The following C1orf21 variants were observed in gnomAD, a reference collection of about 807,000 sequenced individuals.
The protein encoded by C1orf21 is uncharacterized protein C1orf21.
Under a neutral mutation model 18.7 loss-of-function variants are expected in C1orf21, and 3 were observed. That is an observed-to-expected ratio of 0.16 (90% confidence interval 0.07 to 0.42). C1orf21 has a LOEUF of 0.42. Ranked by LOEUF, C1orf21 falls within the 10% of genes least tolerant of loss-of-function variation. The probability of loss-of-function intolerance (pLI) is 0.99; values close to 1 mark genes in which losing one functional copy is unlikely to be tolerated. For missense variants in C1orf21, 104 were observed against 143.6 expected, an observed-to-expected ratio of 0.72 and a Z score of 1.41; for synonymous variants, 41 against 46.4, an observed-to-expected ratio of 0.88 and a Z score of 0.47.
At chr1:184,394,712 C>T in intron 1 of C1orf21, among the ~76,000 whole-genome samples, 1 of 152,162 alleles carries the variant, frequency 6.6e-6, no homozygotes, top group East Asian at 1.9e-4. Flanking sequence ...GTGGTTCTAT[C>T]TCAAAGTTCT....
At chr1:184,514,229 C>G (rs935799348) in intron 3 of C1orf21, among the ~76,000 whole-genome samples, 1 of 152,144 alleles carries the variant, frequency 6.6e-6, no homozygotes, top group Admixed American at 6.6e-5. Context: ...CGCTTGAGCC[C>G]AGGAATTCAA....
At chr1:184,435,757 A>G (rs1456986778) in intron 1 of C1orf21, among the ~76,000 whole-genome samples, 2 of 152,232 alleles carry the variant, frequency 1.3e-5, no homozygotes, top group Non-Finnish European at 2.9e-5. Flanking sequence ...AGAACAACCA[A>G]CTGAGGCAAA....
intron 5 of C1orf21, among the ~76,000 whole-genome samples, chr1:184,604,279 G>C (rs115791100): frequency 6.6e-6 from 1 of 152,100 alleles, no homozygotes; most frequent in Non-Finnish European, 1.5e-5. Context: ...GGACTGTCAC[G>C]TCAAAACCTA....
chr1:184,471,407 T>C (rs10489725), intron 1 of C1orf21, among the ~76,000 whole-genome samples: 17,274 of 152,202 alleles, frequency 0.11, 1,257 homozygotes, highest in African/African-American at 0.2. Context: ...GAGTTAGTAC[T>C]GAAAACAAAG....
chr1:184,597,689 C>T (rs1346377055), intron 4 of C1orf21, among the ~76,000 whole-genome samples: 4 of 143,362 alleles, frequency 2.8e-5, no homozygotes, highest in Non-Finnish European at 6.0e-5. Flanking sequence ...CTGCCCCATG[C>T]TCTTCCCATA....
chr1:184,442,352 A>T (rs1214266445), intron 1 of C1orf21, among the ~76,000 whole-genome samples: 2 of 152,198 alleles, frequency 1.3e-5, no homozygotes, highest in Non-Finnish European at 2.9e-5. Flanking sequence ...TTGTTAAGTC[A>T]CTTTGCCCCT....
At chr1:184,550,387 C>T (rs1293218845) in intron 3 of C1orf21, among the ~76,000 whole-genome samples, 2 of 152,186 alleles carry the variant, frequency 1.3e-5, no homozygotes, top group Non-Finnish European at 2.9e-5. Context: ...CTATTTAGAA[C>T]ACATTTGCTA....
intron 1 of C1orf21, among the ~76,000 whole-genome samples, chr1:184,440,918 C>T (rs192952833): frequency 5.5e-4 from 84 of 152,298 alleles, no homozygotes; most frequent in African/African-American, 2.0e-3. Context: ...TGAATGTTGA[C>T]ACCAGAGATA....
At chr1:184,553,305 C>G (rs1033178479) in intron 3 of C1orf21, among the ~76,000 whole-genome samples, 4 of 152,070 alleles carry the variant, frequency 2.6e-5, no homozygotes, top group African/African-American at 4.8e-5. Flanking sequence ...TAATCCTAGG[C>G]AAAGAAGTTA....
At chr1:184,439,147 G>T (rs997826752) in intron 1 of C1orf21, among the ~76,000 whole-genome samples, 1 of 151,876 alleles carries the variant, frequency 6.6e-6, no homozygotes, top group African/African-American at 2.4e-5. Context: ...GGAGGCGAAG[G>T]TTGCAGTGAG....
chr1:184,452,474 G>A (rs1657136930), intron 1 of C1orf21, among the ~76,000 whole-genome samples: 1 of 152,192 alleles, frequency 6.6e-6, no homozygotes, highest in South Asian at 2.1e-4. Context: ...ATTAAAGATT[G>A]CACCAGAAGT....
chr1:184,480,573 T>C (rs1166817111), intron 2 of C1orf21, among the ~76,000 whole-genome samples: 5 of 152,210 alleles, frequency 3.3e-5, no homozygotes, highest in Non-Finnish European at 7.3e-5. Context: ...ATAAAGGAGC[T>C]TTGTGTTAGT....
At chr1:184,536,247 C>T (rs1014620767) in intron 3 of C1orf21, among the ~76,000 whole-genome samples, 6 of 152,198 alleles carry the variant, frequency 3.9e-5, no homozygotes, top group Admixed American at 1.3e-4. Flanking sequence ...ATTTCTTCCA[C>T]GTACAATGTT....
chr1:184,545,271 C>T (rs534341710), intron 3 of C1orf21, among the ~76,000 whole-genome samples: 3 of 152,036 alleles, frequency 2.0e-5, no homozygotes, highest in Non-Finnish European at 4.4e-5. Flanking sequence ...TGGAATGTGT[C>T]GCACCTGTTA....
rs1656322091 is a variant in C1orf21, at chr1:184,410,629, A to AATATATATAT, written c.-125+23261_-125+23262insATATATATAT. On this transcript the variant is annotated intron_variant, in intron 1 of 5. Transcript: ENST00000235307. ...TTTGCCATATATATTATATATATAT[A>AATATATATAT]TATATATATATATATATATATATAT... Among the ~76,000 whole-genome samples, 3 of 2,734 alleles carry AATATATATAT rather than the reference A, an allele frequency of 1.1e-3. No homozygotes were observed. The African/African-American group carries it at 0.016, about 15-fold the overall frequency. 1.8% of individuals were successfully genotyped at this position (2,734 alleles called of 152,430 possible). A position where few individuals can be genotyped will look rare whatever the true frequency, so the allele number is the denominator to read the frequency against.
At chr1:184,411,416 C>CTTT (rs1199251450) in intron 1 of C1orf21, among the ~76,000 whole-genome samples, 94 of 95,674 alleles carry the variant, frequency 9.8e-4, no homozygotes, top group Non-Finnish European at 1.4e-3. Flanking sequence ...TGGGTATTTC[C>CTTT]TTTTTTTTTT....
rs1391794273 is a variant in C1orf21, at chr1:184,621,660, C to T, written c.*2104C>T. 6.6e-6 allele frequency: 1 copy of T among 152,364 alleles called. No homozygotes were observed. The highest frequency in any genetic ancestry group is 1.9e-4 in the East Asian group (1 of 5,190). The allele number at this position is 152,364 out of a possible 1,614,324, so 9.4% of individuals were successfully genotyped here. On this transcript the variant is annotated 3_prime_UTR_variant, in exon 6 of 6. Coordinates refer to ENST00000235307, the MANE Select transcript of C1orf21 (RefSeq NM_030806.4). ...ACAGTGTCTTCCCAGAAAACCACCA[C>T]CCTCTACCCAAAGATGAAACATGCT... is the stretch of plus-strand genomic sequence containing the variant.
At chr1:184,594,037 C>G (rs550177330) in intron 4 of C1orf21, among the ~76,000 whole-genome samples, 1 of 152,290 alleles carries the variant, frequency 6.6e-6, no homozygotes, top group East Asian at 1.9e-4. Context: ...GATGGGAACT[C>G]ACATGGAGTC....
At chr1:184,434,255 T>C (rs1411248293) in intron 1 of C1orf21, among the ~76,000 whole-genome samples, 2 of 151,826 alleles carry the variant, frequency 1.3e-5, no homozygotes, top group African/African-American at 4.8e-5. Flanking sequence ...AGGTGACTGC[T>C]GAGCACTCCC....
Sources: allele counts gnomAD v4.1 joint callset (sites outside exome capture counted in the v4.1 genomes callset), GRCh38; gene constraint gnomAD v4.1.1; transcripts MANE v1.5; gene names NCBI Gene and HGNC (gene_info 2026-07-23, HGNC 2026-07-21).